GOLGB1: variants seen among roughly 807,000 people sequenced by gnomAD.
GOLGB1 encodes the protein golgin subfamily B member 1.
In GOLGB1, 174 loss-of-function variants were observed where a neutral mutation model predicts 336.9. The observed-to-expected ratio is 0.52, with a 90% CI of 0.46 to 0.59. GOLGB1 has a LOEUF of 0.59. GOLGB1 is among the 20% of genes least tolerant of loss of function. The pLI is 0.00. For synonymous variants in GOLGB1, 1,208 were observed against 1,289.2 expected (o/e 0.94, Z 1.35); for missense variants, 3,331 against 3,645.3 (o/e 0.91, Z 2.22).
chr3:121,694,747 C>G lies in GOLGB1; in HGVS notation c.5776G>C (p.Asp1926His). The stretch of plus-strand genomic sequence containing the variant: ...TGATTCATAAGCCTCTCTTCCAAAT[C>G]ATCTTTCTCTTCTTCTGCTGTCTCC... ...LKETAEEEKDDLEERLMNQLA... is the reference protein window; with the variant it reads ...LKETAEEEKDHLEERLMNQLA... The change falls in exon 13 of 22, where the codon GAT (aspartate) becomes CAT (histidine). Residue 1926 changes from aspartate to histidine, a missense_variant. Asp to His is a moderately conservative substitution (Grantham distance 81). Transcript: ENST00000614479. 6.2e-7 allele frequency: 1 copy of G among 1,612,620 alleles called. No individual in the cohort carries two copies. The highest frequency in any genetic ancestry group is 1.3e-5 in the African/African-American group (1 of 75,040).
At chr3:121,728,399 AT>A (rs1315763223) in intron 4 of GOLGB1, among the ~76,000 whole-genome samples, 2 of 152,200 alleles carry the variant, frequency 1.3e-5, no homozygotes, top group East Asian at 1.9e-4. Flanking sequence ...AACTAAAAAA[AT>A]AAAAAGATTT....
intron 2 of GOLGB1, among the ~76,000 whole-genome samples, 179 bp downstream of exon 2, chr3:121,730,697 T>C (rs1157429125): frequency 6.6e-6 from 1 of 152,234 alleles, no homozygotes; most frequent in Non-Finnish European, 1.5e-5. Flanking sequence ...CCCATCACTG[T>C]GGCTTTTAAG....
At chr3:121,683,583 C>G (rs1024773590) in intron 14 of GOLGB1, among the ~76,000 whole-genome samples, 4 of 152,050 alleles carry the variant, frequency 2.6e-5, no homozygotes, top group Non-Finnish European at 5.9e-5. Flanking sequence ...TTAGACCCTC[C>G]CCTTAAACAT....
rs552511485 is a variant in GOLGB1, at chr3:121,746,633, A to G, written c.-3+2999T>C. Reference sequence around the variant, plus strand: ...GCTGGGATTACTGGTACCCGCTGCCACGACTGGCTAATTTTTGGTATTTTT... The same window carrying G: ...GCTGGGATTACTGGTACCCGCTGCCGCGACTGGCTAATTTTTGGTATTTTT... On this transcript the variant is annotated intron_variant, in intron 1 of 21. Transcript: ENST00000614479. Among the ~76,000 whole-genome samples, 74 of 152,226 alleles carry G rather than the reference A, an allele frequency of 4.9e-4. 1 individual carries two copies. In the South Asian group the frequency reaches 0.015, roughly 31 times the overall value.
rs1942945867 is a variant in GOLGB1, at chr3:121,696,362, A to G, written c.4161T>C (p.Ala1387=). 1 of 1,614,078 alleles carries G rather than the reference A, an allele frequency of 6.2e-7. No individual in the cohort carries two copies. Among genetic ancestry groups the G allele is most frequent in the African/African-American group, 1.3e-5 (1 of 74,944 alleles). The change falls in exon 13 of 22, where the codon GCT becomes GCC. Residue 1387 remains alanine, a synonymous_variant. Transcript: ENST00000614479. The stretch of plus-strand genomic sequence containing the variant: ...GCAATTCTCTTAGATGTTCTAGGCC[A>G]GCAATTTGTAGTTGGCTGCTTTCCA... ...QKLESSQLQI[A]GLEHLRELQP... is the part of the protein sequence containing the mutation.
intron 7 of GOLGB1, among the ~76,000 whole-genome samples, chr3:121,719,361 G>T (rs991371534): frequency 3.3e-5 from 5 of 152,174 alleles, no homozygotes; most frequent in Non-Finnish European, 7.3e-5. Context: ...CACAAAGGTA[G>T]CTATAATCAG....
intron 1 of GOLGB1, among the ~76,000 whole-genome samples, chr3:121,743,169 T>A (rs994218304): frequency 6.6e-6 from 1 of 152,226 alleles, no homozygotes; most frequent in African/African-American, 2.4e-5. Context: ...TACACATGTA[T>A]GTTTACTGCA....
Position 121,694,655 on chromosome 3 carries a change from ATTT to A in GOLGB1, c.5865_5867del (p.Lys1955del). ...TCTTCATTTCAGATTCCAATAGCTC[ATTT>A]TTTATTTGGGCATCTGTAACATCCT... On this transcript the variant is annotated inframe_deletion, in exon 13 of 22. Transcript: ENST00000614479. 1 of 1,611,242 alleles carries A rather than the reference ATTT, an allele frequency of 6.2e-7. No individual in the cohort carries two copies. Among genetic ancestry groups the A allele is most frequent in the Non-Finnish European group, 8.5e-7 (1 of 1,179,750 alleles).
At chr3:121,725,604 T>C (rs188964311) in intron 5 of GOLGB1, among the ~76,000 whole-genome samples, 2 of 152,238 alleles carry the variant, frequency 1.3e-5, no homozygotes, top group Admixed American at 1.3e-4. Context: ...TGTATTTGTA[T>C]GTGAGAAGAA....
At position 121,697,714 on chromosome 3, in the gene GOLGB1, T is replaced by C. The variant is rs1360526989; in HGVS notation, c.2809A>G (p.Lys937Glu). 6.2e-7 allele frequency: 1 copy of C among 1,613,932 alleles called. No homozygotes were observed. ...FSLGVEIKTL[K>E]EQLNLLSRAE... ...CTGGATAATAAATTTAGCTGTTCTT[T>C]AAGAGTCTTAATTTCAACCCCAAGA... Residue 937 changes from lysine (K) to glutamate (E), a missense_variant, in exon 13 of 22, where the codon AAA becomes GAA. Transcript: ENST00000614479.
In GOLGB1 at chr3:121,692,266, A is replaced by T. The variant is rs146109301; in HGVS notation, c.7098T>A (p.Thr2366=). Residue 2366 remains threonine (T), a synonymous_variant, in exon 14 of 22, where the codon ACT becomes ACA. Coordinates refer to ENST00000614479, the MANE Select transcript of GOLGB1 (RefSeq NM_001366282.2). ...TCAGTTCTCTGGAGGCCTGAAGATC[A>T]GTCTCCAGTTGTTCATAACTGAACT... ...NSKFSYEQLE[T]DLQASRELTS... is the part of the protein sequence containing the mutation. The T allele has an allele frequency of 5.9e-5, 95 of 1,607,366 alleles. No individual in the cohort carries two copies. The highest frequency in any genetic ancestry group is 7.6e-5 in the Non-Finnish European group (90 of 1,178,102).
chr3:121,744,511 C>T (rs945113618), intron 1 of GOLGB1, among the ~76,000 whole-genome samples: 3 of 147,948 alleles, frequency 2.0e-5, no homozygotes, highest in South Asian at 2.1e-4. Flanking sequence ...CCCAGATATT[C>T]GGGAGGCTGA....
At chr3:121,682,497 A>G (rs1172221198) in intron 14 of GOLGB1, among the ~76,000 whole-genome samples, 1 of 152,192 alleles carries the variant, frequency 6.6e-6, no homozygotes, top group Non-Finnish European at 1.5e-5. Flanking sequence ...CTTTTTCATA[A>G]GAATATGAGA....
At chr3:121,744,512 G>A (rs1224018376) in intron 1 of GOLGB1, among the ~76,000 whole-genome samples, 1 of 150,660 alleles carries the variant, frequency 6.6e-6, no homozygotes, top group African/African-American at 2.4e-5. Flanking sequence ...CCAGATATTC[G>A]GGAGGCTGAG....
intron 14 of GOLGB1, among the ~76,000 whole-genome samples, chr3:121,685,331 T>C (rs1941599107): frequency 6.6e-6 from 1 of 152,068 alleles, no homozygotes; most frequent in Non-Finnish European, 1.5e-5. Context: ...GGTCAAAAGA[T>C]TGAGACCACC....
intron 10 of GOLGB1, among the ~76,000 whole-genome samples, chr3:121,706,749 A>AAAAAAAAAAAAAAC (rs1943883805): frequency 6.7e-6 from 1 of 149,198 alleles, no homozygotes; most frequent in African/African-American, 2.5e-5. Flanking sequence ...AAAAAAAAAA[A>AAAAAAAAAAAAAAC]AAAAAAAAAA....
At chr3:121,727,769 T>A (rs1297500613) in intron 4 of GOLGB1, among the ~76,000 whole-genome samples, 1 of 152,174 alleles carries the variant, frequency 6.6e-6, no homozygotes, top group Non-Finnish European at 1.5e-5. Context: ...TTCTGCTTAC[T>A]GGAATTACAA....
chr3:121,737,065 T>C (rs1316297494), intron 1 of GOLGB1, among the ~76,000 whole-genome samples: 1 of 152,186 alleles, frequency 6.6e-6, no homozygotes, highest in African/African-American at 2.4e-5. Context: ...CTACCATGGT[T>C]GTGTAAAATG....
At position 121,718,422 on chromosome 3, in the gene GOLGB1, T is replaced by C; in HGVS notation, c.851A>G (p.Gln284Arg). The stretch of plus-strand genomic sequence containing the variant: ...CTGCTCAGCAGCAGTCAGCTCCTGT[T>C]GCAGCAAGTCAACGACCTGAGCACG... ...VGRAQVVDLL[Q>R]QELTAAEQRN... Residue 284 changes from glutamine to arginine, a missense_variant, in exon 8 of 22, where the codon CAA (glutamine) becomes CGA (arginine). By Grantham distance (43) the Gln-to-Arg change is conservative. Transcript: ENST00000614479. The C allele has an allele frequency of 6.2e-7, 1 of 1,613,712 alleles. No homozygotes were observed. Among genetic ancestry groups the C allele is most frequent in the Non-Finnish European group, 8.5e-7 (1 of 1,179,604 alleles).
Sources: gnomAD v4.1 joint callset for allele counts (sites outside exome capture counted in the v4.1 genomes callset) on GRCh38, gnomAD v4.1.1 for gene constraint, MANE v1.5 for transcripts, NCBI Gene and HGNC (gene_info 2026-07-23, HGNC 2026-07-21) for gene names.